HSPA1L: variants seen among roughly 807,000 people sequenced by gnomAD.
HSPA1L encodes the protein heat shock 70 kDa protein 1-like.
HSPA1L carries 21 observed loss-of-function variants against 31.5 expected under a neutral mutation model. The observed-to-expected ratio is 0.67, with a 90% CI of 0.47 to 0.96. The LOEUF (loss-of-function observed/expected upper bound fraction) is 0.96, where lower values mean the gene tolerates loss of function less well. HSPA1L is among the 40% of genes least tolerant of loss of function. The probability of loss-of-function intolerance (pLI) is 0.00; values close to 1 mark genes in which losing one functional copy is unlikely to be tolerated. For missense variants in HSPA1L, 709 were observed against 813.4 expected (o/e 0.87, Z 1.56); for synonymous variants, 293 against 323.1 (o/e 0.91, Z 1.00).
intron 1 of HSPA1L, among the ~76,000 whole-genome samples, chr6:31,812,364 G>A (rs1396912224): frequency 4.0e-5 from 6 of 151,706 alleles, no homozygotes; most frequent in Admixed American, 3.9e-4. Flanking sequence ...GGGGTTTCAC[G>A]GTTTCACTAT....
At chr6:31,813,905 G>A (rs935854293) in intron 1 of HSPA1L, among the ~76,000 whole-genome samples, 9 of 152,300 alleles carry the variant, frequency 5.9e-5, no homozygotes, top group South Asian at 2.1e-4. Flanking sequence ...CTCTTCAAGA[G>A]ACATCAGCCT....
chr6:31,811,244 G>A lies in HSPA1L; in HGVS notation c.729C>T (p.Phe243=), dbSNP rs140616297. The change falls in exon 2 of 2, where the codon TTC becomes TTT. Residue 243 remains phenylalanine (F), a synonymous_variant. Transcript: ENST00000375654. ...TGTGTTTCCTCTTGAACTCCTCCAC[G>A]AAGTGGCTCACAAGCCTGTTGTCAA... ...EDFDNRLVSH[F]VEEFKRKHKK... 545 of 1,613,946 alleles carry A rather than the reference G, an allele frequency of 3.4e-4. No individual in the cohort carries two copies. The highest frequency in any genetic ancestry group is 4.4e-4 in the Non-Finnish European group (521 of 1,180,046).
rs955065496 is a variant in HSPA1L, at chr6:31,815,204, A to T, written c.-329T>A. On this transcript the variant is annotated 5_prime_UTR_variant, in exon 1 of 2. Coordinates refer to ENST00000375654, the MANE Select transcript of HSPA1L (RefSeq NM_005527.4). ...AACTGCGCAGGCCCAGCAAGCCCCCACAATTAAAAGCCCAGCGCCGACCCT... is the reference window on the plus strand; with the variant it reads ...AACTGCGCAGGCCCAGCAAGCCCCCTCAATTAAAAGCCCAGCGCCGACCCT... 15 of 211,470 alleles carry T rather than the reference A, an allele frequency of 7.1e-5. No homozygotes were observed. Among genetic ancestry groups the T allele is most frequent in the Non-Finnish European group, 1.2e-4 (13 of 111,026 alleles). The allele number at this position is 211,470 out of a possible 1,614,324, so 13.1% of individuals were successfully genotyped here.
At chr6:31,813,076 A>G (rs968957802) in intron 1 of HSPA1L, among the ~76,000 whole-genome samples, 3 of 152,070 alleles carry the variant, frequency 2.0e-5, no homozygotes, top group African/African-American at 7.2e-5. Context: ...TCCCACCTCC[A>G]AGTCACCAAG....
At position 31,811,284 on chromosome 6, in the gene HSPA1L, A is replaced by G. The variant is rs759317010; in HGVS notation, c.689T>C (p.Leu230Pro). 1 of 1,614,154 alleles carries G rather than the reference A, an allele frequency of 6.2e-7. No individual in the cohort carries two copies. Among genetic ancestry groups the G allele is most frequent in the Admixed American group, 1.7e-5 (1 of 60,022 alleles). ...EVKATAGDTH[L>P]GGEDFDNRLV... ...CCTGTTGTCAAAGTCCTCCCCACCC[A>G]GGTGAGTGTCCCCAGCAGTGGCCTT... The change falls in exon 2 of 2, where the codon CTG becomes CCG. Residue 230 changes from leucine (L) to proline (P), a missense_variant. Transcript: ENST00000375654.
Position 31,811,866 on chromosome 6 carries a change from C to G in HSPA1L, c.107G>C (p.Gly36Ala), listed in dbSNP as rs1255972636. The change falls in exon 2 of 2, where the codon GGC becomes GCC. Residue 36 changes from glycine to alanine, a missense_variant. Gly to Ala is a moderately conservative substitution (Grantham distance 60). Coordinates refer to ENST00000375654, the MANE Select transcript of HSPA1L (RefSeq NM_005527.4). The part of the protein sequence containing the change: ...GKVEIIANDQ[G>A]NRTTPSYVAF... ...CACGTAGCTGGGGGTGGTGCGGTTG[C>G]CCTGGTCGTTGGCGATGATCTCCAC... The G allele has an allele frequency of 2.5e-6, 4 of 1,614,124 alleles. No homozygotes were observed. Among genetic ancestry groups the G allele is most frequent in the Non-Finnish European group, 3.4e-6 (4 of 1,180,032 alleles).
In HSPA1L at chr6:31,814,962, C is replaced by G. The variant is rs1201840332; in HGVS notation, c.-87G>C. 3.9e-5 allele frequency: 38 copies of G among 985,556 alleles called. No individual in the cohort carries two copies. Among genetic ancestry groups the G allele is most frequent in the Non-Finnish European group, 4.6e-5 (38 of 830,200 alleles). 61.1% of individuals were successfully genotyped at this position (985,556 alleles called of 1,614,324 possible). A position where few individuals can be genotyped will look rare whatever the true frequency, so the allele number is the denominator to read the frequency against. On this transcript the variant is annotated 5_prime_UTR_variant, in exon 1 of 2. Transcript: ENST00000375654. ...AGCCCCAGCGAGTAGGTGGGGGCTC[C>G]CTCAATATCAAACTGCACAACCGGG...
Position 31,810,681 on chromosome 6 carries a change from G to T in HSPA1L, c.1292C>A (p.Thr431Asn), listed in dbSNP as rs367836600. ...CCCGGGTTGGTTGTCAGAGTAGGTG[G>T]TGAAAATCTGTGTCTGCTTGGTGGG... ...TIPTKQTQIF[T>N]TYSDNQPGVL... is the part of the protein sequence containing the mutation. Residue 431 changes from threonine to asparagine, a missense_variant, in exon 2 of 2, where the codon ACC (threonine) becomes AAC (asparagine). Physicochemically the swap from Thr to Asn is moderately conservative, Grantham distance 65. Transcript: ENST00000375654. 5.6e-6 allele frequency: 9 copies of T among 1,614,044 alleles called. No individual in the cohort carries two copies. Among genetic ancestry groups the T allele is most frequent in the Non-Finnish European group, 7.6e-6 (9 of 1,180,004 alleles).
chr6:31,813,429 C>T (rs1017817565), intron 1 of HSPA1L, among the ~76,000 whole-genome samples: 16 of 152,132 alleles, frequency 1.1e-4, no homozygotes, highest in Admixed American at 7.2e-4. Flanking sequence ...CTCAGCCTCC[C>T]GAGGAGCTGG....
Position 31,814,521 on chromosome 6 carries a change from A to T in HSPA1L, c.-14+368T>A, listed in dbSNP as rs1414544869. ...GAGACTCCGTCTCAAAAAAAAAAAA[A>T]AAATTAAAAATAAATAAATAAAAAT... On this transcript the variant is annotated intron_variant, in intron 1 of 1. Transcript: ENST00000375654. 8.6e-5 allele frequency among the ~76,000 whole-genome samples: 13 copies of T among 151,598 alleles called. No individual in the cohort carries two copies. In the East Asian group the frequency reaches 2.5e-3, roughly 29 times the overall value.
chr6:31,814,840 C>T (rs16867582), intron 1 of HSPA1L, 49 bp downstream of exon 1: 1 of 935,316 alleles, frequency 1.1e-6, no homozygotes, highest in Non-Finnish European at 1.3e-6. Context: ...CAAACAAGGA[C>T]CTACTGAGCC....
chr6:31,810,831 A>T lies in HSPA1L; in HGVS notation c.1142T>A (p.Ile381Asn). 1 of 1,614,146 alleles carries T rather than the reference A, an allele frequency of 6.2e-7. No individual in the cohort carries two copies. The highest frequency in any genetic ancestry group is 8.5e-7 in the Non-Finnish European group (1 of 1,180,010). Residue 381 changes from isoleucine (I) to asparagine (N), a missense_variant, in exon 2 of 2, where the codon ATC (isoleucine) becomes AAC (asparagine). Ile to Asn is a moderately radical substitution (Grantham distance 149). Transcript: ENST00000375654. ...VAYGAAVQAA[I>N]LMGDKSEKVQ... ...CTTCTCAGACTTGTCCCCCATCAGG[A>T]TGGCTGCTTGTACCGCAGCCCCATA... is the stretch of plus-strand genomic sequence containing the variant.
rs373875697 is a variant in HSPA1L at position 31,811,372 on chromosome 6, C to A, written c.601G>T (p.Asp201Tyr). 8.5e-5 allele frequency: 137 copies of A among 1,614,050 alleles called. No individual in the cohort carries two copies. Among genetic ancestry groups the A allele is most frequent in the Non-Finnish European group, 1.1e-4 (127 of 1,180,048 alleles). ...ACATCAAATGTGCCTCCACCCAGAT[C>A]AAAAATCAGGACATGTCGTTCTCCT... ...GQGERHVLIF[D>Y]LGGGTFDVSI... Residue 201 changes from aspartate (D) to tyrosine (Y), a missense_variant, in exon 2 of 2, where the codon GAT becomes TAT. Transcript: ENST00000375654.
chr6:31,814,946 G>A lies in HSPA1L; in HGVS notation c.-71C>T, dbSNP rs1815776629. On this transcript the variant is annotated 5_prime_UTR_variant, in exon 1 of 2. Coordinates refer to ENST00000375654, the MANE Select transcript of HSPA1L (RefSeq NM_005527.4). ...AACGTCCAGATTACGCAGCCCCAGC[G>A]AGTAGGTGGGGGCTCCCTCAATATC... is the stretch of plus-strand genomic sequence containing the variant. 3.0e-6 allele frequency: 3 copies of A among 985,544 alleles called. No homozygotes were observed. The highest frequency in any genetic ancestry group is 3.6e-6 in the Non-Finnish European group (3 of 830,112). 61.0% of individuals were successfully genotyped at this position (985,544 alleles called of 1,614,324 possible).
At position 31,810,558 on chromosome 6, in the gene HSPA1L, C is replaced by T. The variant is rs749251656; in HGVS notation, c.1415G>A (p.Gly472Glu). The stretch of plus-strand genomic sequence containing the variant: ...AAACGTCACCTCGATCTGAGGAACT[C>T]CCCTGGGTGCTGGAGGGATTCCAGT... ...DLTGIPPAPRGVPQIEVTFDI... is the reference protein window; with the variant it reads ...DLTGIPPAPREVPQIEVTFDI... The change falls in exon 2 of 2, where the codon GGA becomes GAA. Residue 472 changes from glycine (G) to glutamate (E), a missense_variant. Physicochemically the swap from Gly to Glu is moderately conservative, Grantham distance 98. Transcript: ENST00000375654. 5.0e-6 allele frequency: 8 copies of T among 1,613,572 alleles called. No individual in the cohort carries two copies. The highest frequency in any genetic ancestry group is 6.8e-6 in the Non-Finnish European group (8 of 1,179,718).
In HSPA1L at chr6:31,810,767, G is replaced by A; in HGVS notation, c.1206C>T (p.Ser402=). 6.2e-7 allele frequency: 1 copy of A among 1,614,092 alleles called. No homozygotes were observed. Among genetic ancestry groups the A allele is most frequent in the Non-Finnish European group, 8.5e-7 (1 of 1,180,016 alleles). ...DLLLLDVAPL[S]LGLETAGGVM... ...CGCCCCCAGCCGTCTCCAGCCCCAG[G>A]GACAGGGGAGCCACGTCCAGCAGCA... The change falls in exon 2 of 2, where the codon TCC becomes TCT. Residue 402 remains serine (S), a synonymous_variant. Coordinates refer to ENST00000375654, the MANE Select transcript of HSPA1L (RefSeq NM_005527.4).
In HSPA1L at chr6:31,809,914, A is replaced by T; in HGVS notation, c.*133T>A. 1.4e-6 allele frequency: 1 copy of T among 694,978 alleles called. No individual in the cohort carries two copies. The highest frequency in any genetic ancestry group is 2.1e-6 in the Non-Finnish European group (1 of 467,402). 43.1% of individuals were successfully genotyped at this position (694,978 alleles called of 1,614,324 possible). ...GAGGGAGTGTGATAGGTGGTGCATGAGACTCCTTCTCCAGAATTTCCAAGG... is the reference window on the plus strand; with the variant it reads ...GAGGGAGTGTGATAGGTGGTGCATGTGACTCCTTCTCCAGAATTTCCAAGG... On this transcript the variant is annotated 3_prime_UTR_variant, in exon 2 of 2. Coordinates refer to ENST00000375654, the MANE Select transcript of HSPA1L (RefSeq NM_005527.4).
Position 31,811,530 on chromosome 6 carries a change from A to G in HSPA1L, c.443T>C (p.Val148Ala), listed in dbSNP as rs1815418138. Residue 148 changes from valine (V) to alanine (A), a missense_variant, in exon 2 of 2, where the codon GTG becomes GCG. Physicochemically the swap from Val to Ala is moderately conservative, Grantham distance 64. Coordinates refer to ENST00000375654, the MANE Select transcript of HSPA1L (RefSeq NM_005527.4). ...TTGAGAGTCATTGAAATAGGCTGGCACGGTAATCACTGCATTGGTGACAGG... is the reference window on the plus strand; with the variant it reads ...TTGAGAGTCATTGAAATAGGCTGGCGCGGTAATCACTGCATTGGTGACAGG... ...GHPVTNAVIT[V>A]PAYFNDSQRQ... 1 of 1,614,082 alleles carries G rather than the reference A, an allele frequency of 6.2e-7. No homozygotes were observed. The highest frequency in any genetic ancestry group is 1.3e-5 in the African/African-American group (1 of 74,926).
intron 1 of HSPA1L, among the ~76,000 whole-genome samples, chr6:31,814,181 G>A (rs1355452720): frequency 1.3e-5 from 2 of 152,224 alleles, no homozygotes; most frequent in African/African-American, 4.8e-5. Context: ...GGCCGAGGCG[G>A]GCGGATCACG....
Sources: allele counts gnomAD v4.1 joint callset (sites outside exome capture counted in the v4.1 genomes callset), GRCh38; gene constraint gnomAD v4.1.1; transcripts MANE v1.5; gene names NCBI Gene and HGNC (gene_info 2026-07-23, HGNC 2026-07-21).